Variants in QSOX2 observed in about 807,000 individuals in gnomAD.
QSOX2 encodes the protein sulfhydryl oxidase 2.
QSOX2 carries 46 observed loss-of-function variants against 61.7 expected under a neutral mutation model. That is an observed-to-expected ratio of 0.75 (90% CI 0.59 to 0.95). The LOEUF (loss-of-function observed/expected upper bound fraction) is 0.95. QSOX2 is among the 40% of genes least tolerant of loss of function. The probability of loss-of-function intolerance (pLI) is 0.00; values close to 1 mark genes in which losing one functional copy is unlikely to be tolerated. For missense variants in QSOX2, 879 were observed against 918.9 expected, an observed-to-expected ratio of 0.96 and a Z score of 0.56; for synonymous variants, 383 against 388.4, an observed-to-expected ratio of 0.99 and a Z score of 0.16.
chr9:136,230,256 C>T (rs372913619), intron 1 of QSOX2, among the ~76,000 whole-genome samples: 42 of 152,166 alleles, frequency 2.8e-4, no homozygotes, highest in African/African-American at 1.4e-4. Context: ...TCCAGCCTGG[C>T]GCCAGAGCGA....
intron 1 of QSOX2, among the ~76,000 whole-genome samples, chr9:136,236,923 G>A (rs1830388525): frequency 7.1e-6 from 1 of 141,212 alleles, no homozygotes. Flanking sequence ...GCCACACCTG[G>A]AGCCCGTCCT....
rs2131044297 is a variant in QSOX2 at position 136,206,740 on chromosome 9, C to A, written c.*1988G>T. 2 of 152,432 alleles carry A rather than the reference C, an allele frequency of 1.3e-5. No homozygotes were observed. The highest frequency in any genetic ancestry group is 4.8e-5 in the African/African-American group (2 of 41,558). 9.4% of individuals were successfully genotyped at this position (152,432 alleles called of 1,614,324 possible). A position where few individuals can be genotyped will look rare whatever the true frequency, so the allele number is the denominator to read the frequency against. Reference sequence around the variant, plus strand: ...TTCCCCAAATAGTGGTGACCTCAAACTGCAATATGATGAAACCTGCAGCCA... The same window carrying A: ...TTCCCCAAATAGTGGTGACCTCAAAATGCAATATGATGAAACCTGCAGCCA... On this transcript the variant is annotated 3_prime_UTR_variant, in exon 12 of 12. Coordinates refer to ENST00000358701, the MANE Select transcript of QSOX2 (RefSeq NM_181701.4).
chr9:136,214,920 C>T (rs188305806), intron 10 of QSOX2, among the ~76,000 whole-genome samples: 1 of 152,210 alleles, frequency 6.6e-6, no homozygotes, highest in African/African-American at 2.4e-5. Flanking sequence ...GGTTTATTTC[C>T]TGCACGTTAG....
chr9:136,207,244 A>G lies in QSOX2; in HGVS notation c.*1484T>C, dbSNP rs1409102297. On this transcript the variant is annotated 3_prime_UTR_variant, in exon 12 of 12. Transcript: ENST00000358701. Reference sequence around the variant, plus strand: ...CTCAAGCGACAACAATCACATCAATATTACATGGTCTTATGAATACATCCA... The same window carrying G: ...CTCAAGCGACAACAATCACATCAATGTTACATGGTCTTATGAATACATCCA... The G allele has an allele frequency of 1.3e-5, 2 of 152,302 alleles. No individual in the cohort carries two copies. Among genetic ancestry groups the G allele is most frequent in the African/African-American group, 4.8e-5 (2 of 41,418 alleles). The allele number at this position is 152,302 out of a possible 1,614,324, so 9.4% of individuals were successfully genotyped here. A position where few individuals can be genotyped will look rare whatever the true frequency, so the allele number is the denominator to read the frequency against.
In QSOX2 at chr9:136,224,097, A is replaced by G. The variant is rs1185745014; in HGVS notation, c.494T>C (p.Leu165Pro). The change falls in exon 4 of 12, where the codon CTG becomes CCG. Residue 165 changes from leucine to proline, a missense_variant. Transcript: ENST00000358701. ...AATCATCGTCTGTCTGACTGTTCGC[A>G]GCTCTCGGTCAGGTCCTGCCGGAAG... ...GENFKGPDRE[L>P]RTVRQTMIDF... The G allele has an allele frequency of 6.2e-7, 1 of 1,613,114 alleles. No homozygotes were observed. The highest frequency in any genetic ancestry group is 1.3e-5 in the African/African-American group (1 of 74,712).
chr9:136,243,045 T>C (rs938504603), intron 1 of QSOX2, among the ~76,000 whole-genome samples: 3 of 152,208 alleles, frequency 2.0e-5, no homozygotes, highest in Non-Finnish European at 2.9e-5. Context: ...TAGGCAGAGC[T>C]GACCAGCGTG....
At chr9:136,216,475 G>C (rs1405742425) in intron 9 of QSOX2, 125 bp downstream of exon 9, 1 of 1,318,800 alleles carries the variant, frequency 7.6e-7, no homozygotes, top group Non-Finnish European at 1.1e-6. Flanking sequence ...GAGACAGTAA[G>C]TCACTGCTCC....
At chr9:136,242,147 G>A (rs1830438143) in intron 1 of QSOX2, among the ~76,000 whole-genome samples, 2 of 152,304 alleles carry the variant, frequency 1.3e-5, no homozygotes, top group Non-Finnish European at 2.9e-5. Flanking sequence ...AATGACACTT[G>A]GTCACACCAA....
At chr9:136,215,003 GTGTGAGAGGAGTC>G in intron 10 of QSOX2, 138 bp downstream of exon 10, 2 of 899,052 alleles carry the variant, frequency 2.2e-6, no homozygotes, top group Admixed American at 6.8e-5. Context: ...TGAGCTGACC[GTGTGAGAGGAGTC>G]TGAAGTGCCA....
At chr9:136,237,559 CG>C (rs1262184886) in intron 1 of QSOX2, among the ~76,000 whole-genome samples, 1 of 125,660 alleles carries the variant, frequency 8.0e-6, no homozygotes, top group Non-Finnish European at 1.6e-5. Context: ...ACCTGGAGCC[CG>C]TCCTGTGGCG....
intron 6 of QSOX2, among the ~76,000 whole-genome samples, chr9:136,220,603 C>G (rs908499818): frequency 6.6e-6 from 1 of 151,602 alleles, no homozygotes; most frequent in Non-Finnish European, 1.5e-5. Flanking sequence ...GTAGGGCAGG[C>G]TAGCCTCACG....
chr9:136,212,586 G>A (rs1025221175), intron 10 of QSOX2, among the ~76,000 whole-genome samples: 2 of 152,252 alleles, frequency 1.3e-5, no homozygotes, highest in African/African-American at 2.4e-5. Context: ...ACGGGCAGCT[G>A]GGCGGTGTCT....
Position 136,226,886 on chromosome 9 carries a change from G to A in QSOX2, c.329-12C>T. 1 of 1,612,306 alleles carries A rather than the reference G, an allele frequency of 6.2e-7. No individual in the cohort carries two copies. Among genetic ancestry groups the A allele is most frequent in the Admixed American group, 1.7e-5 (1 of 60,032 alleles). On this transcript the variant is annotated splice_polypyrimidine_tract_variant and intron_variant, in intron 1 of 11. Transcript: ENST00000358701. ...GGCACTGGCCCAGTCTGAAAAGCAGGAGCATGACCTTCAGTGTGGTGAGCA... is the reference window on the plus strand; with the variant it reads ...GGCACTGGCCCAGTCTGAAAAGCAGAAGCATGACCTTCAGTGTGGTGAGCA...
At position 136,215,293 on chromosome 9, in the gene QSOX2, T is replaced by C; in HGVS notation, c.1221A>G (p.Ile407Met). The stretch of plus-strand genomic sequence containing the variant: ...CCCACTTTATGTGATTAGTAAGGAA[T>C]ATTCCAGAAATCTGAAAAACAAACA... ...LVNNKMRISGIFLTNHIKWVG... is the reference protein window; with the variant it reads ...LVNNKMRISGMFLTNHIKWVG... The change falls in exon 10 of 12, where the codon ATA (isoleucine) becomes ATG (methionine). Residue 407 changes from isoleucine to methionine, a missense_variant. Ile to Met is a conservative substitution (Grantham distance 10, BLOSUM62 1). Coordinates refer to ENST00000358701, the MANE Select transcript of QSOX2 (RefSeq NM_181701.4). 6.2e-7 allele frequency: 1 copy of C among 1,610,048 alleles called. No homozygotes were observed. Among genetic ancestry groups the C allele is most frequent in the East Asian group, 2.2e-5 (1 of 44,782 alleles).
In QSOX2 at chr9:136,209,707, C is replaced by T; in HGVS notation, c.1550-432G>A. 1 of 984,936 alleles carries T rather than the reference C, an allele frequency of 1.0e-6. No homozygotes were observed. Among genetic ancestry groups the T allele is most frequent in the Non-Finnish European group, 1.2e-6 (1 of 829,742 alleles). The allele number at this position is 984,936 out of a possible 1,614,324, so 61.0% of individuals were successfully genotyped here. On this transcript the variant is annotated intron_variant, in intron 11 of 11. Transcript: ENST00000358701. The surrounding 1 kb of genome is among the most constrained non-coding windows in gnomAD (Gnocchi z 5.6). ...CTTTCCTGAGGGTGCACCTGAGGCC[C>T]ACTACCTACAGAGCCCCGGCCACCT... is the stretch of plus-strand genomic sequence containing the variant.
At position 136,226,762 on chromosome 9, in the gene QSOX2, C is replaced by G. The variant is rs199541529; in HGVS notation, c.429+12G>C. ...GTGAATTTCAACGGACAAGCAGCCG[C>G]GTGATACTCACCCGGAAGGTGGGGT... On this transcript the variant is annotated intron_variant, in intron 2 of 11. Coordinates refer to ENST00000358701, the MANE Select transcript of QSOX2 (RefSeq NM_181701.4). 2 of 1,596,470 alleles carry G rather than the reference C, an allele frequency of 1.3e-6. No individual in the cohort carries two copies. The highest frequency in any genetic ancestry group is 2.2e-5 in the South Asian group (2 of 90,772).
rs374307866 is a variant in QSOX2 at position 136,223,899 on chromosome 9, G to A, written c.585-46C>T. ...GGCTTTTAGTGCCGTCAACAGCAGC[G>A]AGTTGGCCACCACATCCCAGTGGCC... On this transcript the variant is annotated intron_variant, in intron 4 of 11. Transcript: ENST00000358701. The surrounding 1 kb of genome is among the most constrained non-coding windows in gnomAD (Gnocchi z 4.4). 1.1e-5 allele frequency: 17 copies of A among 1,592,054 alleles called. No homozygotes were observed. The highest frequency in any genetic ancestry group is 4.5e-5 in the East Asian group (2 of 44,786).
At chr9:136,236,716 G>A (rs567159686) in intron 1 of QSOX2, among the ~76,000 whole-genome samples, 3 of 151,040 alleles carry the variant, frequency 2.0e-5, no homozygotes, top group Admixed American at 6.6e-5. Context: ...CCTGCGTCAC[G>A]TGGAGCTCGT....
At chr9:136,220,483 G>A (rs1402070758) in intron 6 of QSOX2, among the ~76,000 whole-genome samples, 2 of 152,214 alleles carry the variant, frequency 1.3e-5, no homozygotes, top group Non-Finnish European at 2.9e-5. Flanking sequence ...GCACCTCGGA[G>A]CCCGGCGTGG....
Sources: gnomAD v4.1 joint callset for allele counts (sites outside exome capture counted in the v4.1 genomes callset) on GRCh38, gnomAD v4.1.1 for gene constraint, Gnocchi (gnomAD v3.1) non-coding constraint, MANE v1.5 for transcripts, NCBI Gene and HGNC (gene_info 2026-07-23, HGNC 2026-07-21) for gene names.